The following PIEZO2 variants were observed in gnomAD, a reference collection of about 807,000 sequenced individuals.
PIEZO2 encodes the protein piezo type mechanosensitive ion channel component 2, also known as piezo-type mechanosensitive ion channel component 2.
A neutral mutation model predicts 337.3 loss-of-function variants in PIEZO2; 172 were observed. That is an observed-to-expected ratio of 0.51 (90% CI 0.45 to 0.58). The LOEUF (loss-of-function observed/expected upper bound fraction) is 0.58. PIEZO2 is among the 20% of genes least tolerant of loss of function. PIEZO2 has a pLI of 0.00. For missense variants in PIEZO2, 3,028 were observed against 3,391.3 expected, an observed-to-expected ratio of 0.89 and a Z score of 2.66; for synonymous variants, 1,251 against 1,228.5, an observed-to-expected ratio of 1.02 and a Z score of -0.38.
At chr18:11,042,462 AATCAAAACAGTGAATGAATAAAC>A (rs1400556272) in intron 2 of PIEZO2, among the ~76,000 whole-genome samples, 2 of 152,254 alleles carry the variant, frequency 1.3e-5, no homozygotes, top group Non-Finnish European at 2.9e-5. Context: ...CTACTTCATC[AATCAAAACAGTGAATGAATAAAC>A]ATCACCAGTG....
intron 7 of PIEZO2, among the ~76,000 whole-genome samples, chr18:10,827,954 A>G (rs936203076): frequency 5.3e-5 from 8 of 152,198 alleles, no homozygotes; most frequent in Admixed American, 3.9e-4. Flanking sequence ...TGTCCTGTGC[A>G]AAACATAAAA....
At chr18:10,681,077 T>C (rs2034243589) in intron 51 of PIEZO2, among the ~76,000 whole-genome samples, 1 of 152,222 alleles carries the variant, frequency 6.6e-6, no homozygotes, top group South Asian at 2.1e-4. Context: ...TGTCATGTCA[T>C]TTATAGTCTC....
rs1312338595 is a variant in PIEZO2, at chr18:10,791,258, C to T, written c.1825G>A (p.Glu609Lys). ...ACTTCCGATAAAAGAGCTTCCTTTTCTTGCAGAGCTTTTTGCTCTGTGAGG... is the reference window on the plus strand; with the variant it reads ...ACTTCCGATAAAAGAGCTTCCTTTTTTTGCAGAGCTTTTTGCTCTGTGAGG... ...QHLTEQKALQ[E>K]KEALLSEVKI... Residue 609 changes from glutamate to lysine, a missense_variant, in exon 14 of 56, where the codon GAA (glutamate) becomes AAA (lysine). Glu to Lys is a moderately conservative substitution (Grantham distance 56, BLOSUM62 1). Transcript: ENST00000674853. 9 of 1,536,298 alleles carry T rather than the reference C, an allele frequency of 5.9e-6. No individual in the cohort carries two copies. Among genetic ancestry groups the T allele is most frequent in the Non-Finnish European group, 7.9e-6 (9 of 1,146,438 alleles).
At chr18:10,816,310 T>C (rs1192317720) in intron 7 of PIEZO2, among the ~76,000 whole-genome samples, 1 of 152,226 alleles carries the variant, frequency 6.6e-6, no homozygotes, top group African/African-American at 2.4e-5. Context: ...TCTCGTGGCT[T>C]GAAATGGGTT....
chr18:10,724,981 AT>A lies in PIEZO2; in HGVS notation c.5029+6425del. 2 of 1,586,088 alleles carry A rather than the reference AT, an allele frequency of 1.3e-6. No homozygotes were observed. The highest frequency in any genetic ancestry group is 2.0e-4 in the Middle Eastern group (1 of 5,048). On this transcript the variant is annotated intron_variant, in intron 36 of 55. Coordinates refer to ENST00000674853, the MANE Select transcript of PIEZO2 (RefSeq NM_001378183.1). The surrounding 1 kb of genome is among the most constrained non-coding windows in gnomAD (Gnocchi z 5.8). ...GCGGCCTGCAGCCTCCCTGCCTCAC[AT>A]TACTAAGACTCAAAGCGATGCAGGC...
At chr18:10,808,257 A>G (rs1253050537) in intron 7 of PIEZO2, among the ~76,000 whole-genome samples, 1 of 151,890 alleles carries the variant, frequency 6.6e-6, no homozygotes, top group East Asian at 1.9e-4. Flanking sequence ...CCCAACTATT[A>G]TTTTTTTAAT....
rs193243434 is a variant in PIEZO2 at position 11,111,511 on chromosome 18, G to A, written c.64+37014C>T. On this transcript the variant is annotated intron_variant, in intron 1 of 55. Coordinates refer to ENST00000674853, the MANE Select transcript of PIEZO2 (RefSeq NM_001378183.1). The surrounding 1 kb of genome is among the most constrained non-coding windows in gnomAD (Gnocchi z 6.2). ...TCTGGAGAAGCATGCACCACCCAGT[G>A]GCCAGGGCCCTCCAAATCTGTGATG... 3.0e-3 allele frequency among the ~76,000 whole-genome samples: 456 copies of A among 152,286 alleles called. 2 individuals carry two copies. The highest frequency in any genetic ancestry group is 0.011 in the African/African-American group (441 of 41,560).
At position 10,828,251 on chromosome 18, in the gene PIEZO2, T is replaced by A. The variant is rs1177317620; in HGVS notation, c.918-20977A>T. Among the ~76,000 whole-genome samples the A allele has an allele frequency of 6.6e-6, 1 of 151,884 alleles. No homozygotes were observed. The highest frequency in any genetic ancestry group is 1.9e-4 in the East Asian group (1 of 5,178). ...TGTTGAAGTACTATTTGATAGAAAA[T>A]TTTCCCTATCTTCTTAAAAGCTTGT... On this transcript the variant is annotated intron_variant, in intron 7 of 55. Transcript: ENST00000674853. The surrounding 1 kb of genome is among the most constrained non-coding windows in gnomAD (Gnocchi z 4.1).
Position 11,083,213 on chromosome 18 carries a change from G to T in PIEZO2, c.65-16991C>A, listed in dbSNP as rs1244674591. Among the ~76,000 whole-genome samples the T allele has an allele frequency of 6.6e-6, 1 of 152,204 alleles. No individual in the cohort carries two copies. The highest frequency in any genetic ancestry group is 1.5e-5 in the Non-Finnish European group (1 of 68,040). On this transcript the variant is annotated intron_variant, in intron 1 of 55. Coordinates refer to ENST00000674853, the MANE Select transcript of PIEZO2 (RefSeq NM_001378183.1). This position sits in a 1 kb window ranked among gnomAD's most constrained non-coding sequence, Gnocchi z 4.4. The stretch of plus-strand genomic sequence containing the variant: ...CAAATGTGAATATGCTGATTTTACA[G>T]ATGAAGACTATAGGGCCAAATGACT...
intron 3 of PIEZO2, among the ~76,000 whole-genome samples, chr18:10,974,904 T>A (rs528443050): frequency 6.6e-6 from 1 of 152,188 alleles, no homozygotes; most frequent in Non-Finnish European, 1.5e-5. Flanking sequence ...CGAAGGAATC[T>A]CCTGCTCAGC....
rs1414700280 is a variant in PIEZO2 at position 10,855,701 on chromosome 18, AT to A, written c.704-136del. ...TTTTTTAAAATAGTAATTTTTAAAAATCATGTTTGATTTATATAATAAAAAT... is the reference window on the plus strand; with the variant it reads ...TTTTTTAAAATAGTAATTTTTAAAAACATGTTTGATTTATATAATAAAAAT... On this transcript the variant is annotated intron_variant, in intron 6 of 55. Transcript: ENST00000674853. This position sits in a 1 kb window ranked among gnomAD's most constrained non-coding sequence, Gnocchi z 4.9. 7 of 690,222 alleles carry A rather than the reference AT, an allele frequency of 1.0e-5. No individual in the cohort carries two copies. Among genetic ancestry groups the A allele is most frequent in the African/African-American group, 1.8e-5 (1 of 55,530 alleles). The allele number at this position is 690,222 out of a possible 1,614,324, so 42.8% of individuals were successfully genotyped here.
intron 11 of PIEZO2, among the ~76,000 whole-genome samples, chr18:10,798,816 G>A (rs1465121067): frequency 6.6e-6 from 1 of 152,150 alleles, no homozygotes; most frequent in Non-Finnish European, 1.5e-5. Context: ...TGGTGCTCAT[G>A]CTCTGAAGAG....
In PIEZO2 at chr18:10,696,155, A is replaced by G; in HGVS notation, c.7109T>C (p.Leu2370Pro). The change falls in exon 47 of 56, where the codon CTG becomes CCG. Residue 2370 changes from leucine (L) to proline (P), a missense_variant. Physicochemically the swap from Leu to Pro is moderately conservative, Grantham distance 98. This residue lies in a region of PIEZO2 where 179 missense variants were observed against 281.8 expected (regional missense o/e 0.64). Transcript: ENST00000674853. Reference sequence around the variant, plus strand: ...AATGACCTGGAAGATGACCTTTCCCAGTACAGTCTTCCTGAGGTAGAGGGC... The same window carrying G: ...AATGACCTGGAAGATGACCTTTCCCGGTACAGTCTTCCTGAGGTAGAGGGC... ...DRALYLRKTV[L>P]GKVIFQVILV... The G allele has an allele frequency of 1.2e-6, 2 of 1,614,182 alleles. No homozygotes were observed. Among genetic ancestry groups the G allele is most frequent in the Non-Finnish European group, 1.7e-6 (2 of 1,179,990 alleles).
In PIEZO2 at chr18:10,863,597, A is replaced by C. The variant is rs2041931452; in HGVS notation, c.493-6386T>G. The stretch of plus-strand genomic sequence containing the variant: ...TGTGGAGCTTTGAAAAAACTAGTCC[A>C]ATTCCTACCACATGTACTCCCCTAC... On this transcript the variant is annotated intron_variant, in intron 5 of 55. Transcript: ENST00000674853. This position sits in a 1 kb window ranked among gnomAD's most constrained non-coding sequence, Gnocchi z 4.3. 6.6e-6 allele frequency among the ~76,000 whole-genome samples: 1 copy of C among 152,116 alleles called. No homozygotes were observed. Among genetic ancestry groups the C allele is most frequent in the Admixed American group, 6.5e-5 (1 of 15,284 alleles).
chr18:10,906,626 T>G (rs991016385), intron 4 of PIEZO2, among the ~76,000 whole-genome samples: 2 of 151,968 alleles, frequency 1.3e-5, no homozygotes, highest in East Asian at 3.9e-4. Context: ...AGAGGGGCGA[T>G]TTGGGCTCAC....
At chr18:10,994,662 C>G (rs2035240308) in intron 2 of PIEZO2, among the ~76,000 whole-genome samples, 1 of 151,692 alleles carries the variant, frequency 6.6e-6, no homozygotes, top group Non-Finnish European at 1.5e-5. Flanking sequence ...CCCGCCTCAG[C>G]CTCCCAAAGT....
At chr18:10,801,359 G>A (rs2039808733) in intron 10 of PIEZO2, 31 bp downstream of exon 10, 1 of 1,450,712 alleles carries the variant, frequency 6.9e-7, no homozygotes, top group Non-Finnish European at 9.4e-7. Flanking sequence ...ACTTACACAT[G>A]CATAAATGAT....
chr18:10,954,376 T>C lies in PIEZO2; in HGVS notation c.286+25159A>G, dbSNP rs925073623. The stretch of plus-strand genomic sequence containing the variant: ...ATTTCTGCAGCATATGGGTCTTGCA[T>C]TGTTTTTAGATTTATATCAAAGTAT... On this transcript the variant is annotated intron_variant, in intron 3 of 55. Transcript: ENST00000674853. This position sits in a 1 kb window ranked among gnomAD's most constrained non-coding sequence, Gnocchi z 4.2. 6.6e-6 allele frequency among the ~76,000 whole-genome samples: 1 copy of C among 152,234 alleles called. No homozygotes were observed. Among genetic ancestry groups the C allele is most frequent in the African/African-American group, 2.4e-5 (1 of 41,466 alleles).
chr18:10,848,219 G>C (rs1260567225), intron 7 of PIEZO2, among the ~76,000 whole-genome samples: 3 of 152,130 alleles, frequency 2.0e-5, no homozygotes, highest in Admixed American at 6.5e-5. Flanking sequence ...GACCCCACTG[G>C]CTTCTCCAAA....
Sources: gnomAD v4.1 joint callset for allele counts (sites outside exome capture counted in the v4.1 genomes callset) on GRCh38, gnomAD v4.1.1 for gene constraint, gnomAD v4.1.1 regional missense constraint, Gnocchi (gnomAD v3.1) non-coding constraint, MANE v1.5 for transcripts, NCBI Gene and HGNC (gene_info 2026-07-23, HGNC 2026-07-21) for gene names.